WIPF2: variants seen among roughly 807,000 people sequenced by gnomAD.
WIPF2 encodes the protein WAS/WASL-interacting protein family member 2.
WIPF2 carries 23 observed loss-of-function variants against 38.8 expected under a neutral mutation model. That is an observed-to-expected ratio of 0.59 (90% CI 0.43 to 0.84). The LOEUF (loss-of-function observed/expected upper bound fraction) is 0.84, where lower values mean the gene tolerates loss of function less well. Ranked by LOEUF, WIPF2 falls within the 40% of genes least tolerant of loss-of-function variation. The probability of loss-of-function intolerance (pLI) is 0.00; values close to 1 mark genes in which losing one functional copy is unlikely to be tolerated. For missense variants in WIPF2, 574 were observed against 580.5 expected (o/e 0.99, Z 0.11); for synonymous variants, 210 against 223.2 (o/e 0.94, Z 0.53).
At chr17:40,248,408 A>G (rs1388887892) in intron 1 of WIPF2, among the ~76,000 whole-genome samples, 1 of 151,804 alleles carries the variant, frequency 6.6e-6, no homozygotes, top group Non-Finnish European at 1.5e-5. Flanking sequence ...ACTTCAAGAG[A>G]TCCGTCCGCC....
intron 1 of WIPF2, among the ~76,000 whole-genome samples, chr17:40,243,427 A>G (rs1444658110): frequency 6.6e-6 from 1 of 152,166 alleles, no homozygotes; most frequent in East Asian, 1.9e-4. Context: ...TTCATCATTC[A>G]GTAGTTATAT....
At chr17:40,256,556 C>T (rs1363377727) in intron 2 of WIPF2, 34 bp downstream of exon 2, 5 of 1,576,446 alleles carry the variant, frequency 3.2e-6, no homozygotes, top group Non-Finnish European at 3.4e-6. Context: ...ATCTCAAAAC[C>T]TTTGAGTAAA....
chr17:40,254,268 C>G (rs1408006197), intron 1 of WIPF2, among the ~76,000 whole-genome samples: 1 of 152,112 alleles, frequency 6.6e-6, no homozygotes, highest in Non-Finnish European at 1.5e-5. Flanking sequence ...CTTCCTTTCT[C>G]CATCTCCCAA....
chr17:40,235,076 G>A (rs1199565273), intron 1 of WIPF2, among the ~76,000 whole-genome samples: 1 of 151,964 alleles, frequency 6.6e-6, no homozygotes, highest in East Asian at 1.9e-4. Flanking sequence ...CCGCCACCAC[G>A]CCCAGCTAAT....
In WIPF2 at chr17:40,275,489, C is replaced by A. The variant is rs577854184; in HGVS notation, c.1180+1490C>A. On this transcript the variant is annotated intron_variant, in intron 6 of 7. Coordinates refer to ENST00000323571, the MANE Select transcript of WIPF2 (RefSeq NM_133264.5). ...GATGTAACCCTAAGTAAAGGTTGTC[C>A]ATAGGCTATTGTTAGACCCGTCTGT... Among the ~76,000 whole-genome samples, 44 of 152,146 alleles carry A rather than the reference C, an allele frequency of 2.9e-4. No homozygotes were observed. The South Asian group carries it at 8.9e-3, about 31-fold the overall frequency.
chr17:40,240,153 C>G (rs1372516400), intron 1 of WIPF2, among the ~76,000 whole-genome samples: 1 of 152,010 alleles, frequency 6.6e-6, no homozygotes, highest in Non-Finnish European at 1.5e-5. Flanking sequence ...CCTCCACCTC[C>G]CAGGTTCAAG....
rs60253561 is a variant in WIPF2 at position 40,219,368 on chromosome 17, T to TGGCGGC, written c.-168_-163dup. 36,036 of 379,362 alleles carry TGGCGGC rather than the reference T, an allele frequency of 0.095. 3,394 individuals carry two copies. Among genetic ancestry groups the TGGCGGC allele is most frequent in the East Asian group, 0.37 (5,839 of 15,608 alleles). 23.5% of individuals were successfully genotyped at this position (379,362 alleles called of 1,614,324 possible). On this transcript the variant is annotated 5_prime_UTR_variant, in exon 1 of 8. Transcript: ENST00000323571. The stretch of plus-strand genomic sequence containing the variant: ...ATTTCCGGGTTGGCAAAAGGGGCGG[T>TGGCGGC]GGCGGCGGCGGCGGCGGCGGCGGCG...
At position 40,242,841 on chromosome 17, in the gene WIPF2, G is replaced by A. The variant is rs1216276918; in HGVS notation, c.-69-13550G>A. On this transcript the variant is annotated intron_variant, in intron 1 of 7. Coordinates refer to ENST00000323571, the MANE Select transcript of WIPF2 (RefSeq NM_133264.5). ...GATTTACTGCAGTTGACTATTTTCT[G>A]TACACGTCCGCCTATCTCCCAGTGC... 3.3e-5 allele frequency among the ~76,000 whole-genome samples: 5 copies of A among 152,184 alleles called. No individual in the cohort carries two copies. The East Asian group carries it at 7.7e-4, about 23-fold the overall frequency.
At chr17:40,250,045 G>A (rs992546910) in intron 1 of WIPF2, among the ~76,000 whole-genome samples, 1 of 150,628 alleles carries the variant, frequency 6.6e-6, no homozygotes, top group African/African-American at 2.4e-5. Context: ...TGTTGCCCAG[G>A]CTGGTCTCGA....
At chr17:40,256,117 AAAG>A (rs1418614871) in intron 1 of WIPF2, among the ~76,000 whole-genome samples, 150 of 151,250 alleles carry the variant, frequency 9.9e-4, no homozygotes, top group Non-Finnish European at 1.9e-3. Flanking sequence ...AAAAAAAAAA[AAAG>A]GACACAAGGC....
At chr17:40,275,435 C>T in intron 6 of WIPF2, among the ~76,000 whole-genome samples, 1 of 152,036 alleles carries the variant, frequency 6.6e-6, no homozygotes, top group East Asian at 1.9e-4. Flanking sequence ...GGGGGCTCTA[C>T]CTAAGAGATT....
At chr17:40,234,982 G>C (rs564921954) in intron 1 of WIPF2, among the ~76,000 whole-genome samples, 2 of 151,568 alleles carry the variant, frequency 1.3e-5, no homozygotes, top group African/African-American at 4.8e-5. Context: ...AGAGTGGCGC[G>C]ATCTCAGCTC....
intron 4 of WIPF2, among the ~76,000 whole-genome samples, chr17:40,263,337 A>G (rs1387813708): frequency 1.3e-5 from 2 of 151,884 alleles, no homozygotes; most frequent in Non-Finnish European, 2.9e-5. Context: ...TCGCCCTCCT[A>G]TGAGAATCTA....
At chr17:40,231,316 A>G (rs1031088569) in intron 1 of WIPF2, among the ~76,000 whole-genome samples, 10 of 151,898 alleles carry the variant, frequency 6.6e-5, no homozygotes, top group African/African-American at 2.4e-4. Context: ...TGAAGTCTGG[A>G]TCAGCATTTT....
chr17:40,269,234 C>T (rs537957962), intron 5 of WIPF2, among the ~76,000 whole-genome samples: 4 of 152,170 alleles, frequency 2.6e-5, no homozygotes, highest in Admixed American at 1.3e-4. Context: ...ACGGGAGAAT[C>T]GCTTGAACCC....
chr17:40,255,569 C>T (rs2145360831), intron 1 of WIPF2, among the ~76,000 whole-genome samples: 1 of 152,008 alleles, frequency 6.6e-6, no homozygotes, highest in East Asian at 2.0e-4. Flanking sequence ...AGGTGATCCA[C>T]TCACTTTGGC....
intron 1 of WIPF2, among the ~76,000 whole-genome samples, chr17:40,238,870 C>T (rs2031079265): frequency 6.6e-6 from 1 of 151,766 alleles, no homozygotes; most frequent in Non-Finnish European, 1.5e-5. Context: ...CTTGGCCTCC[C>T]AAAGTGCTGG....
intron 5 of WIPF2, among the ~76,000 whole-genome samples, chr17:40,267,533 T>G (rs1274345160): frequency 6.6e-6 from 1 of 152,070 alleles, no homozygotes; most frequent in Non-Finnish European, 1.5e-5. Context: ...TGGCCTTTAT[T>G]TATTTATTTG....
At chr17:40,250,394 C>T (rs1376036838) in intron 1 of WIPF2, among the ~76,000 whole-genome samples, 3 of 149,454 alleles carry the variant, frequency 2.0e-5, no homozygotes, top group Non-Finnish European at 4.4e-5. Flanking sequence ...CCATGCCCGG[C>T]TAATTTTTTG....
Sources: allele counts gnomAD v4.1 joint callset (sites outside exome capture counted in the v4.1 genomes callset), GRCh38; gene constraint gnomAD v4.1.1; transcripts MANE v1.5; gene names NCBI Gene and HGNC (gene_info 2026-07-23, HGNC 2026-07-21).